The following CTNND2 variants were observed in gnomAD, a reference collection of about 807,000 sequenced individuals.
CTNND2 encodes catenin delta 2.
A neutral mutation model predicts 144.4 loss-of-function variants in CTNND2; 22 were observed. The ratio of observed to expected loss-of-function variants is 0.15; its 90% CI spans 0.11 to 0.22. CTNND2 has a LOEUF of 0.22. Ranked by LOEUF, CTNND2 falls within the 10% of genes least tolerant of loss-of-function variation. CTNND2 has a pLI of 1.00. For synonymous variants in CTNND2, 751 were observed against 695.6 expected (o/e 1.08, Z -1.25); for missense variants, 1,353 against 1,618.8 (o/e 0.84, Z 2.82).
rs111348676 is a variant in CTNND2 at position 11,891,118 on chromosome 5, T to C, written c.37+12699A>G. Among the ~76,000 whole-genome samples, 122 of 152,238 alleles carry C rather than the reference T, an allele frequency of 8.0e-4. 3 individuals carry two copies. Among genetic ancestry groups the C allele is most frequent in the African/African-American group, 2.8e-3 (118 of 41,532 alleles). On this transcript the variant is annotated intron_variant, in intron 1 of 21. Transcript: ENST00000304623. ...GGAGGTTCAACCAAGATGAAAAGCA[T>C]CCATGCAATTTTGAAAAATACACTT...
At chr5:11,657,535 G>A (rs1782978362) in intron 2 of CTNND2, among the ~76,000 whole-genome samples, 1 of 151,552 alleles carries the variant, frequency 6.6e-6, no homozygotes, top group Admixed American at 6.6e-5. Context: ...ATAACCGTAT[G>A]TATTAAATTC....
At chr5:11,229,534 A>C (rs570644018) in intron 10 of CTNND2, among the ~76,000 whole-genome samples, 1 of 152,224 alleles carries the variant, frequency 6.6e-6, no homozygotes, top group African/African-American at 2.4e-5. Flanking sequence ...AAAAATAAAT[A>C]AATCAATAGA....
rs192883573 is a variant in CTNND2, at chr5:11,534,608, G to C, written c.287+30336C>G. Among the ~76,000 whole-genome samples, 1,088 of 149,644 alleles carry C rather than the reference G, an allele frequency of 7.3e-3. 5 individuals are homozygous for C. The highest frequency in any genetic ancestry group is 0.012 in the Non-Finnish European group (781 of 67,444). The stretch of plus-strand genomic sequence containing the variant: ...CAAGAAGAGTGAAACTCCATTGCAG[G>C]GGAAAAAAAAAGAAAGAAAAGAAAT... On this transcript the variant is annotated intron_variant, in intron 3 of 21. Coordinates refer to ENST00000304623, the MANE Select transcript of CTNND2 (RefSeq NM_001332.4).
chr5:11,514,993 T>A (rs1772027293), intron 3 of CTNND2, among the ~76,000 whole-genome samples: 1 of 150,710 alleles, frequency 6.6e-6, no homozygotes. Flanking sequence ...TGCATCACAA[T>A]AATGAAAAGA....
chr5:11,743,947 C>G (rs763549321), intron 1 of CTNND2, among the ~76,000 whole-genome samples: 2 of 152,070 alleles, frequency 1.3e-5, no homozygotes, highest in Non-Finnish European at 2.9e-5. Context: ...TTAATTTCCA[C>G]CTGAGTTATT....
rs575125343 is a variant in CTNND2, at chr5:10,982,730, T to C, written c.3344-884A>G. On this transcript the variant is annotated intron_variant, in intron 20 of 21. Transcript: ENST00000304623. ...TATTGCAGTGCTGTTGACAATAGCC[T>C]AGATGTGGAATCAACCCAAGTGTCC... Among the ~76,000 whole-genome samples, 6 of 152,322 alleles carry C rather than the reference T, an allele frequency of 3.9e-5. No individual in the cohort carries two copies. In the South Asian group the frequency reaches 1.2e-3, roughly 32 times the overall value.
At chr5:11,241,587 A>T (rs1163815829) in intron 9 of CTNND2, among the ~76,000 whole-genome samples, 1 of 152,150 alleles carries the variant, frequency 6.6e-6, no homozygotes, top group Admixed American at 6.5e-5. Flanking sequence ...GTTCTCCTCA[A>T]TTTCACAAAA....
At chr5:11,306,789 G>A (rs1750261170) in intron 9 of CTNND2, among the ~76,000 whole-genome samples, 1 of 152,170 alleles carries the variant, frequency 6.6e-6, no homozygotes, top group Non-Finnish European at 1.5e-5. Context: ...CTTGCACTGC[G>A]TCCAAATGAA....
At chr5:11,166,126 G>T (rs1238369976) in intron 11 of CTNND2, among the ~76,000 whole-genome samples, 2 of 151,918 alleles carry the variant, frequency 1.3e-5, no homozygotes, top group Non-Finnish European at 1.5e-5. Flanking sequence ...GTGAATTAAG[G>T]CATCTACTTA....
At chr5:11,256,370 G>A (rs1744246825) in intron 9 of CTNND2, among the ~76,000 whole-genome samples, 1 of 152,126 alleles carries the variant, frequency 6.6e-6, no homozygotes, top group African/African-American at 2.4e-5. Flanking sequence ...GGCAACCAAG[G>A]AGAATGTGTA....
chr5:11,588,865 C>A, intron 2 of CTNND2: 1 of 985,380 alleles, frequency 1.0e-6, no homozygotes, highest in Non-Finnish European at 1.2e-6. Context: ...CAGGCGGTTC[C>A]TGGCATCCTA....
rs1003433560 is a variant in CTNND2, at chr5:11,869,450, T to G, written c.37+34367A>C. The stretch of plus-strand genomic sequence containing the variant: ...ACATGGATTAACCTTGAAAGTATCA[T>G]GCTGAGTGAAATAAGCCTGATACAA... On this transcript the variant is annotated intron_variant, in intron 1 of 21. Transcript: ENST00000304623. Among the ~76,000 whole-genome samples, 5 of 152,356 alleles carry G rather than the reference T, an allele frequency of 3.3e-5. No homozygotes were observed. In the East Asian group the frequency reaches 9.6e-4, roughly 29 times the overall value.
chr5:11,351,182 T>G (rs1755303777), intron 8 of CTNND2, among the ~76,000 whole-genome samples: 1 of 152,216 alleles, frequency 6.6e-6, no homozygotes, highest in Non-Finnish European at 1.5e-5. Flanking sequence ...TTTCCTTATT[T>G]GCGTTTTAAA....
rs547232957 is a variant in CTNND2 at position 11,136,140 on chromosome 5, G to A, written c.2160-18573C>T. Reference sequence around the variant, plus strand: ...CAGAAAGCAGCCCTCAGCAGATCTTGAAGCCGCTGATGCCTTGATCTTGGA... The same window carrying A: ...CAGAAAGCAGCCCTCAGCAGATCTTAAAGCCGCTGATGCCTTGATCTTGGA... On this transcript the variant is annotated intron_variant, in intron 12 of 21. Transcript: ENST00000304623. Among the ~76,000 whole-genome samples the A allele has an allele frequency of 9.2e-5, 14 of 152,248 alleles. No individual in the cohort carries two copies. In the South Asian group the frequency reaches 2.1e-3, roughly 23 times the overall value.
intron 3 of CTNND2, among the ~76,000 whole-genome samples, chr5:11,502,027 CAAAAAAAAAAAAAAAA>C (rs547364682): frequency 1.7e-5 from 1 of 57,238 alleles, no homozygotes. Flanking sequence ...GACTCCATCT[CAAAAAAAAAAAAAAAA>C]AAAAAAAAAA....
At chr5:11,857,230 T>C (rs1386563781) in intron 1 of CTNND2, among the ~76,000 whole-genome samples, 1 of 152,162 alleles carries the variant, frequency 6.6e-6, no homozygotes, top group African/African-American at 2.4e-5. Context: ...GTCCTCCCTA[T>C]GGAGCAAACG....
chr5:11,185,970 A>G (rs1216440937), intron 11 of CTNND2, among the ~76,000 whole-genome samples: 1 of 152,266 alleles, frequency 6.6e-6, no homozygotes, highest in Non-Finnish European at 1.5e-5. Flanking sequence ...AAGTAAAGCC[A>G]CAAATCAGTT....
intron 1 of CTNND2, among the ~76,000 whole-genome samples, chr5:11,891,734 A>C (rs144783560): frequency 6.6e-6 from 1 of 152,168 alleles, no homozygotes; most frequent in Non-Finnish European, 1.5e-5. Flanking sequence ...CCAGCCTCTA[A>C]AACTGTGAGA....
At chr5:11,691,168 G>A (rs1337608880) in intron 2 of CTNND2, among the ~76,000 whole-genome samples, 1 of 152,074 alleles carries the variant, frequency 6.6e-6, no homozygotes, top group African/African-American at 2.4e-5. Flanking sequence ...TCAGGAGATT[G>A]AGACCATCCT....
Sources: gnomAD v4.1 joint callset for allele counts (sites outside exome capture counted in the v4.1 genomes callset) on GRCh38, gnomAD v4.1.1 for gene constraint, MANE v1.5 for transcripts, NCBI Gene and HGNC (gene_info 2026-07-23, HGNC 2026-07-21) for gene names.